Variants in ITPR2 observed in about 807,000 individuals in gnomAD.
The protein encoded by ITPR2 is inositol 1,4,5-trisphosphate receptor type 2.
A neutral mutation model predicts 317.1 loss-of-function variants in ITPR2; 207 were observed. That is an observed-to-expected ratio of 0.65 (90% CI 0.58 to 0.73). The LOEUF is 0.73. Among genes scored for constraint, ITPR2 ranks in the 30% least tolerant of loss-of-function variants. The pLI is 0.00. For synonymous variants in ITPR2, 1,156 were observed against 1,149.1 expected, an observed-to-expected ratio of 1.01 and a Z score of -0.12; for missense variants, 2,613 against 3,284.0, an observed-to-expected ratio of 0.80 and a Z score of 4.99.
At chr12:26,545,199 G>T (rs538481870) in intron 37 of ITPR2, among the ~76,000 whole-genome samples, 4 of 152,282 alleles carry the variant, frequency 2.6e-5, no homozygotes, top group African/African-American at 9.6e-5. Flanking sequence ...CTAGTCACCA[G>T]AACCTGTAAA....
chr12:26,445,848 G>C (rs59292529), intron 45 of ITPR2, among the ~76,000 whole-genome samples: 1,683 of 152,228 alleles, frequency 0.011, 25 homozygotes, highest in African/African-American at 0.038. Context: ...AAAGGGCAGG[G>C]ATAAAGGTGG....
chr12:26,642,912 G>C (rs1487095984), intron 21 of ITPR2, among the ~76,000 whole-genome samples: 5 of 152,096 alleles, frequency 3.3e-5, no homozygotes, highest in Non-Finnish European at 4.4e-5. Flanking sequence ...GTGCTACTCA[G>C]AAGACAGCAC....
chr12:26,482,648 C>G (rs563756913), intron 42 of ITPR2, among the ~76,000 whole-genome samples: 2 of 152,156 alleles, frequency 1.3e-5, no homozygotes, highest in Non-Finnish European at 2.9e-5. Flanking sequence ...CAAACTCTTT[C>G]GGTATTTCAT....
At chr12:26,716,426 T>C (rs534548320) in intron 5 of ITPR2, among the ~76,000 whole-genome samples, 184 bp from the exon 6 acceptor site, 33 of 152,298 alleles carry the variant, frequency 2.2e-4, no homozygotes, top group Non-Finnish European at 4.3e-4. Flanking sequence ...TAAATGATCA[T>C]ATAACCATGT....
chr12:26,407,668 C>A lies in ITPR2; in HGVS notation c.7399+3652G>T, dbSNP rs181121878. On this transcript the variant is annotated intron_variant, in intron 52 of 56. Transcript: ENST00000381340. ...TAGGGAAGAAATAATTTATAGTGAT[C>A]TTTTAATTAGGAGGCAATAAGACAG... 5.3e-5 allele frequency among the ~76,000 whole-genome samples: 8 copies of A among 152,238 alleles called. No homozygotes were observed. The East Asian group carries it at 9.6e-4, about 18-fold the overall frequency.
At chr12:26,576,766 C>T (rs1191487727) in intron 34 of ITPR2, among the ~76,000 whole-genome samples, 3 of 152,148 alleles carry the variant, frequency 2.0e-5, no homozygotes, top group Non-Finnish European at 4.4e-5. Context: ...CCCTGCAGAG[C>T]AGCAGCCTGA....
chr12:26,514,209 A>T (rs1943432145), intron 37 of ITPR2, among the ~76,000 whole-genome samples: 1 of 152,242 alleles, frequency 6.6e-6, no homozygotes, highest in Admixed American at 6.5e-5. Flanking sequence ...TAAAAAAAGA[A>T]AGAGTTTAGA....
chr12:26,339,282 G>T lies in ITPR2; in HGVS notation c.*115C>A. ...TAACCCACTCAACATCTTGGCACTTGGTTGTTTTTAACTTTTCAACAATAG... is the reference window on the plus strand; with the variant it reads ...TAACCCACTCAACATCTTGGCACTTTGTTGTTTTTAACTTTTCAACAATAG... On this transcript the variant is annotated 3_prime_UTR_variant, in exon 57 of 57. Transcript: ENST00000381340. 2 of 823,176 alleles carry T rather than the reference G, an allele frequency of 2.4e-6. No individual in the cohort carries two copies. The highest frequency in any genetic ancestry group is 4.0e-6 in the Non-Finnish European group (2 of 503,698). 51.0% of individuals were successfully genotyped at this position (823,176 alleles called of 1,614,324 possible).
intron 47 of ITPR2, among the ~76,000 whole-genome samples, chr12:26,438,874 A>T (rs1037237799): frequency 6.6e-6 from 1 of 152,200 alleles, no homozygotes; most frequent in Non-Finnish European, 1.5e-5. Flanking sequence ...GCATTTCATA[A>T]CATTTATTTA....
At chr12:26,376,176 T>C (rs1282518858) in intron 55 of ITPR2, among the ~76,000 whole-genome samples, 1 of 152,238 alleles carries the variant, frequency 6.6e-6, no homozygotes, top group East Asian at 1.9e-4. Flanking sequence ...TACAGACCTA[T>C]ATACTCAGTT....
chr12:26,593,516 A>T (rs1945758822), intron 32 of ITPR2, among the ~76,000 whole-genome samples: 1 of 152,250 alleles, frequency 6.6e-6, no homozygotes, highest in East Asian at 1.9e-4. Flanking sequence ...AGGAAAGGTG[A>T]TTCCTGTCAA....
At chr12:26,822,108 T>C (rs1484692915) in intron 1 of ITPR2, among the ~76,000 whole-genome samples, 1 of 152,162 alleles carries the variant, frequency 6.6e-6, no homozygotes, top group Non-Finnish European at 1.5e-5. Flanking sequence ...GAACTAGACA[T>C]TACTTCACTA....
chr12:26,426,752 T>C (rs1304486633), intron 49 of ITPR2, among the ~76,000 whole-genome samples: 2 of 151,942 alleles, frequency 1.3e-5, no homozygotes, highest in Non-Finnish European at 2.9e-5. Context: ...AAATACAGAA[T>C]TGGCCATATT....
intron 2 of ITPR2, among the ~76,000 whole-genome samples, chr12:26,754,498 T>A (rs1206972704): frequency 6.6e-6 from 1 of 152,254 alleles, no homozygotes; most frequent in South Asian, 2.1e-4. Context: ...CATTGTTACA[T>A]GTAATTGAGA....
intron 55 of ITPR2, among the ~76,000 whole-genome samples, chr12:26,353,661 C>T (rs534192481): frequency 6.6e-5 from 10 of 152,344 alleles, no homozygotes; most frequent in African/African-American, 2.2e-4. Context: ...AGTTAATCCA[C>T]AACTCAATAA....
chr12:26,439,707 G>A (rs1416432261), intron 46 of ITPR2, among the ~76,000 whole-genome samples: 1 of 152,094 alleles, frequency 6.6e-6, no homozygotes, highest in Non-Finnish European at 1.5e-5. Context: ...TTTGTATCTT[G>A]TTCTTAGCCT....
At chr12:26,780,988 A>G (rs982558960) in intron 2 of ITPR2, among the ~76,000 whole-genome samples, 1 of 152,244 alleles carries the variant, frequency 6.6e-6, no homozygotes, top group Non-Finnish European at 1.5e-5. Flanking sequence ...ACTGACCCAG[A>G]CTATCAAGAT....
rs576920165 is a variant in ITPR2, at chr12:26,489,726, G to A, written c.5371-2475C>T. 3.9e-5 allele frequency among the ~76,000 whole-genome samples: 6 copies of A among 152,260 alleles called. No individual in the cohort carries two copies. In the South Asian group the frequency reaches 1.0e-3, roughly 26 times the overall value. ...TCTCCTTCAGTTGATCTTTAACAAA[G>A]TATAGAACATACACACATTGACTTA... On this transcript the variant is annotated intron_variant, in intron 39 of 56. Transcript: ENST00000381340.
intron 55 of ITPR2, among the ~76,000 whole-genome samples, chr12:26,384,856 T>C (rs923251383): frequency 4.6e-5 from 7 of 152,158 alleles, no homozygotes; most frequent in African/African-American, 1.7e-4. Context: ...TCTTTACTTG[T>C]CTTTCTTCTT....
Sources: gnomAD v4.1 joint callset for allele counts (sites outside exome capture counted in the v4.1 genomes callset) on GRCh38, gnomAD v4.1.1 for gene constraint, MANE v1.5 for transcripts, NCBI Gene and HGNC (gene_info 2026-07-23, HGNC 2026-07-21) for gene names.